SCN2A: variants seen among roughly 807,000 people sequenced by gnomAD.
The protein encoded by SCN2A is sodium channel protein type 2 subunit alpha.
SCN2A carries 20 observed loss-of-function variants against 188.7 expected under a neutral mutation model. The observed-to-expected ratio is 0.11, with a 90% CI of 0.07 to 0.15. The LOEUF (loss-of-function observed/expected upper bound fraction) is 0.15, where lower values mean the gene tolerates loss of function less well. Ranked by LOEUF, SCN2A falls within the 10% of genes least tolerant of loss-of-function variation. SCN2A has a pLI of 1.00. For missense variants in SCN2A, 1,278 were observed against 2,445.0 expected (o/e 0.52, Z 10.07); for synonymous variants, 804 against 833.1 (o/e 0.97, Z 0.60).
At chr2:165,334,371 A>T (rs62176243) in intron 14 of SCN2A, among the ~76,000 whole-genome samples, 35,678 of 151,656 alleles carry the variant, frequency 0.24, 4,495 homozygotes, top group East Asian at 0.36. Context: ...GAACATAGGC[A>T]CAACAATCCT....
At chr2:165,284,106 G>A (rs915973644) in intron 1 of SCN2A, among the ~76,000 whole-genome samples, 2 of 151,492 alleles carry the variant, frequency 1.3e-5, no homozygotes, top group Non-Finnish European at 2.9e-5. Flanking sequence ...ATACACACAG[G>A]CATGCATACA....
At chr2:165,268,466 G>A (rs192599765) in intron 1 of SCN2A, 1 of 151,940 alleles carries the variant, frequency 6.6e-6, no homozygotes, top group African/African-American at 2.4e-5. Context: ...CAGAAAAAAT[G>A]TTTGATAAAA....
At chr2:165,267,925 G>A (rs1694944651) in intron 1 of SCN2A, 1 of 151,864 alleles carries the variant, frequency 6.6e-6, no homozygotes, top group Admixed American at 6.6e-5. Context: ...ATTAAAAATG[G>A]CTACTATCAA....
chr2:165,362,330 C>A (rs1443252462), intron 17 of SCN2A, among the ~76,000 whole-genome samples: 1 of 151,894 alleles, frequency 6.6e-6, no homozygotes, highest in East Asian at 1.9e-4. Context: ...AATTCTTCTA[C>A]TTTTAATGTG....
chr2:165,344,749 A>G lies in SCN2A; in HGVS notation c.2757A>G (p.Glu919=), dbSNP rs1057520595. 1 of 1,613,988 alleles carries G rather than the reference A, an allele frequency of 6.2e-7. No homozygotes were observed. Among genetic ancestry groups the G allele is most frequent in the Middle Eastern group, 1.7e-4 (1 of 6,060 alleles). ...ECVCKISNDC[E]LPRWHMHDFF... is the part of the protein sequence containing the mutation. The stretch of plus-strand genomic sequence containing the variant: ...TCTGCAAGATTTCCAATGATTGTGA[A>G]CTCCCACGCTGGCACATGCATGACT... The change falls in exon 16 of 27, where the codon GAA becomes GAG. Residue 919 remains glutamate, a synonymous_variant. Transcript: ENST00000375437.
At chr2:165,239,683 T>A in intron 1 of SCN2A, 43 bp downstream of exon 1, 1 of 894,470 alleles carries the variant, frequency 1.1e-6, no homozygotes, top group Non-Finnish European at 1.3e-6. Flanking sequence ...CACGGATTGT[T>A]ATCTATGTTA....
At chr2:165,378,525 A>G (rs1391262219) in intron 23 of SCN2A, among the ~76,000 whole-genome samples, 13 of 151,830 alleles carry the variant, frequency 8.6e-5, no homozygotes, top group Non-Finnish European at 7.4e-5. Context: ...CCTAAATGAC[A>G]ACCTTATTGT....
At chr2:165,297,180 C>T (rs746286840) in intron 3 of SCN2A, 45 bp downstream of exon 3, 1 of 1,160,414 alleles carries the variant, frequency 8.6e-7, no homozygotes, top group South Asian at 1.2e-5. Context: ...TCTTCTTTGA[C>T]CAAGTTATTG....
chr2:165,388,085 C>T (rs1046342731), intron 26 of SCN2A, among the ~76,000 whole-genome samples: 2 of 152,050 alleles, frequency 1.3e-5, no homozygotes, highest in Non-Finnish European at 2.9e-5. Context: ...TTCAGTTTGA[C>T]CACAAGAAAA....
At chr2:165,241,465 C>T (rs1322177671) in intron 1 of SCN2A, among the ~76,000 whole-genome samples, 3 of 152,132 alleles carry the variant, frequency 2.0e-5, no homozygotes, top group African/African-American at 7.2e-5. Flanking sequence ...ATCTCATGTC[C>T]AAGCCTTTCC....
chr2:165,389,984 GTCAGCAAACTGGAAC>G lies in SCN2A; in HGVS notation c.*165_*179del. On this transcript the variant is annotated 3_prime_UTR_variant, in exon 27 of 27. Transcript: ENST00000375437. This position sits in a 1 kb window ranked among gnomAD's most constrained non-coding sequence, Gnocchi z 4.2. ...GCCTATAACAAGACAGAGACCTCTGGTCAGCAAACTGGAACTCAGTAAACTGGAGAAATAGTATCG... is the reference window on the plus strand; with the variant it reads ...GCCTATAACAAGACAGAGACCTCTGGTCAGTAAACTGGAGAAATAGTATCG... The G allele has an allele frequency of 8.2e-7, 1 of 1,216,434 alleles. No individual in the cohort carries two copies. The allele number at this position is 1,216,434 out of a possible 1,614,324, so 75.4% of individuals were successfully genotyped here.
chr2:165,282,900 A>G (rs1010769008), intron 1 of SCN2A, among the ~76,000 whole-genome samples: 1 of 152,222 alleles, frequency 6.6e-6, no homozygotes, highest in African/African-American at 2.4e-5. Flanking sequence ...GTTATGACAT[A>G]GTGTATGAGA....
chr2:165,365,058 A>T, intron 17 of SCN2A, 85 bp from the exon 18 acceptor site: 1 of 1,168,242 alleles, frequency 8.6e-7, no homozygotes, highest in Non-Finnish European at 1.2e-6. Context: ...CATACAGAAG[A>T]TGGGGGGGGG....
chr2:165,376,796 A>T (rs1315493196), intron 22 of SCN2A, among the ~76,000 whole-genome samples: 1 of 151,914 alleles, frequency 6.6e-6, no homozygotes, highest in Non-Finnish European at 1.5e-5. Flanking sequence ...TGCAAATGAA[A>T]ACTTTCCAAT....
chr2:165,376,950 C>G (rs1180954660), intron 22 of SCN2A, among the ~76,000 whole-genome samples: 5 of 151,860 alleles, frequency 3.3e-5, no homozygotes, highest in Non-Finnish European at 7.4e-5. Flanking sequence ...GGGGAAGAGC[C>G]TGTGGCACTA....
Position 165,323,335 on chromosome 2 carries a change from T to C in SCN2A, c.1851T>C (p.His617=). Residue 617 remains histidine, a synonymous_variant, in exon 12 of 27, where the codon CAT becomes CAC. Transcript: ENST00000375437. ...ACTCTCTGTTCGTGCCGCACAGACA[T>C]GGAGAACGGCGCCACAGCAATGTCA... ...RRDSLFVPHR[H]GERRHSNVSQ... is the part of the protein sequence containing the mutation. 2 of 1,614,156 alleles carry C rather than the reference T, an allele frequency of 1.2e-6. No individual in the cohort carries two copies. The highest frequency in any genetic ancestry group is 1.3e-5 in the African/African-American group (1 of 75,054).
intron 17 of SCN2A, among the ~76,000 whole-genome samples, chr2:165,360,098 T>C (rs530563970): frequency 6.6e-6 from 1 of 151,926 alleles, no homozygotes; most frequent in Non-Finnish European, 1.5e-5. Flanking sequence ...AATTTTTTAA[T>C]TAAATTAAAT....
At chr2:165,293,837 T>C (rs969988732) in intron 1 of SCN2A, 2 of 985,008 alleles carry the variant, frequency 2.0e-6, no homozygotes, top group Non-Finnish European at 2.4e-6. Flanking sequence ...TTTGGGCTGC[T>C]TCAGACATAT....
intron 26 of SCN2A, among the ~76,000 whole-genome samples, chr2:165,388,057 G>A (rs1460133883): frequency 1.3e-5 from 2 of 152,104 alleles, no homozygotes; most frequent in Non-Finnish European, 2.9e-5. Context: ...CTAGCATGAA[G>A]AAAAGACTTA....
Sources: gnomAD v4.1 joint callset for allele counts (sites outside exome capture counted in the v4.1 genomes callset) on GRCh38, gnomAD v4.1.1 for gene constraint, Gnocchi (gnomAD v3.1) non-coding constraint, MANE v1.5 for transcripts, NCBI Gene and HGNC (gene_info 2026-07-23, HGNC 2026-07-21) for gene names.